The following FRMD4A variants were observed in gnomAD, a reference collection of about 807,000 sequenced individuals.
FRMD4A encodes the protein FERM domain-containing protein 4A.
Under a neutral mutation model 129.1 loss-of-function variants are expected in FRMD4A, and 29 were observed. The observed-to-expected ratio is 0.22, with a 90% CI of 0.17 to 0.31. The LOEUF (loss-of-function observed/expected upper bound fraction) is 0.31. FRMD4A is among the 10% of genes least tolerant of loss of function. The pLI, the probability that FRMD4A is intolerant of heterozygous loss-of-function variation, is 1.00. For missense variants in FRMD4A, 1,272 were observed against 1,375.8 expected (o/e 0.92, Z 1.19); for synonymous variants, 634 against 571.6 (o/e 1.11, Z -1.56).
intron 3 of FRMD4A, among the ~76,000 whole-genome samples, chr10:13,847,514 C>T (rs1219547264): frequency 6.6e-6 from 1 of 151,846 alleles, no homozygotes; most frequent in Non-Finnish European, 1.5e-5. Flanking sequence ...CTCCCTCCTT[C>T]CCTCCCTCCC....
At chr10:13,845,251 T>A (rs975870197) in intron 3 of FRMD4A, among the ~76,000 whole-genome samples, 1 of 152,222 alleles carries the variant, frequency 6.6e-6, no homozygotes, top group African/African-American at 2.4e-5. Flanking sequence ...CCTGTCATCC[T>A]ATGACCTTGA....
chr10:13,880,527 G>T (rs1190288674), intron 2 of FRMD4A, among the ~76,000 whole-genome samples: 2 of 152,160 alleles, frequency 1.3e-5, no homozygotes, highest in East Asian at 3.9e-4. Flanking sequence ...GGGACCAGGG[G>T]CTCCCCAGCT....
intron 2 of FRMD4A, among the ~76,000 whole-genome samples, chr10:14,284,463 A>C (rs1845619374): frequency 6.6e-6 from 1 of 152,176 alleles, no homozygotes; most frequent in African/African-American, 2.4e-5. Flanking sequence ...CCTGGCTAAC[A>C]CGGTGAAACC....
At chr10:14,143,302 A>T (rs903743450) in intron 2 of FRMD4A, among the ~76,000 whole-genome samples, 15 of 152,262 alleles carry the variant, frequency 9.9e-5, no homozygotes, top group Non-Finnish European at 1.5e-4. Context: ...TCTAGCCTTA[A>T]CAAGGAAGGA....
At chr10:13,739,244 T>G (rs1307865411) in intron 11 of FRMD4A, among the ~76,000 whole-genome samples, 1 of 152,144 alleles carries the variant, frequency 6.6e-6, no homozygotes, top group Non-Finnish European at 1.5e-5. Flanking sequence ...TCTTAAAACT[T>G]TAAAGGTGGG....
At chr10:14,036,045 A>T (rs1269940289) in intron 2 of FRMD4A, among the ~76,000 whole-genome samples, 4 of 21,756 alleles carry the variant, frequency 1.8e-4, no homozygotes, top group Non-Finnish European at 9.3e-4. Context: ...TCCACCTCAA[A>T]AAAAAAAAAA....
chr10:14,139,435 CT>C (rs1302200927), intron 2 of FRMD4A, among the ~76,000 whole-genome samples: 1 of 85,792 alleles, frequency 1.2e-5, no homozygotes, highest in Admixed American at 1.1e-4. Context: ...AAACATATTT[CT>C]TTTTTTATTA....
At chr10:14,082,107 C>T (rs1047548529) in intron 2 of FRMD4A, among the ~76,000 whole-genome samples, 2 of 152,076 alleles carry the variant, frequency 1.3e-5, no homozygotes, top group East Asian at 3.9e-4. Flanking sequence ...ATTAGCTGGG[C>T]ATGGTGGCAC....
chr10:14,142,263 T>C (rs1002177578), intron 2 of FRMD4A, among the ~76,000 whole-genome samples: 1 of 152,228 alleles, frequency 6.6e-6, no homozygotes, highest in Admixed American at 6.5e-5. Context: ...GCATCATTTC[T>C]ATACATGTTC....
chr10:14,174,399 A>AT (rs1841623124), intron 2 of FRMD4A, among the ~76,000 whole-genome samples: 6 of 152,188 alleles, frequency 3.9e-5, no homozygotes, highest in Admixed American at 1.3e-4. Context: ...ATTTGAACCA[A>AT]GAACAGTGAT....
intron 2 of FRMD4A, among the ~76,000 whole-genome samples, chr10:13,892,043 A>G (rs1440127688): frequency 8.2e-6 from 1 of 122,098 alleles, no homozygotes; most frequent in Non-Finnish European, 1.7e-5. Context: ...CCAGAAAGCC[A>G]GGGACGCCCC....
At chr10:13,877,743 T>C (rs1432250096) in intron 2 of FRMD4A, among the ~76,000 whole-genome samples, 1 of 152,238 alleles carries the variant, frequency 6.6e-6, no homozygotes, top group Non-Finnish European at 1.5e-5. Flanking sequence ...TGAGCTGTGC[T>C]GGCAGATCCC....
intron 2 of FRMD4A, among the ~76,000 whole-genome samples, chr10:13,966,549 G>A (rs1434822992): frequency 1.3e-5 from 2 of 152,166 alleles, no homozygotes; most frequent in African/African-American, 4.8e-5. Context: ...GATGTGCAGG[G>A]GGCTGCCACT....
rs112041665 is a variant in FRMD4A at position 14,319,367 on chromosome 10, T to TCTCTCTCTCTCTCTCTCTCTCTCTCACA, written c.45+10690_45+10691insTGTGAGAGAGAGAGAGAGAGAGAGAGAG. Among the ~76,000 whole-genome samples the TCTCTCTCTCTCTCTCTCTCTCTCTCACA allele has an allele frequency of 1.0e-3, 146 of 145,116 alleles. 1 individual carries two copies. Among genetic ancestry groups the TCTCTCTCTCTCTCTCTCTCTCTCTCACA allele is most frequent in the African/African-American group, 3.3e-3 (124 of 37,134 alleles). On this transcript the variant is annotated intron_variant, in intron 2 of 24. Coordinates refer to ENST00000357447, the MANE Select transcript of FRMD4A (RefSeq NM_018027.5). Reference sequence around the variant, plus strand: ...TCTCTCTCCTCTCTCTCTCTCTCTCTCACACACACACACACACACATGATA... The same window carrying TCTCTCTCTCTCTCTCTCTCTCTCTCACA: ...TCTCTCTCCTCTCTCTCTCTCTCTCTCTCTCTCTCTCTCTCTCTCTCTCTCACACACACACACACACACACACATGATA...
At chr10:14,293,761 A>G (rs1021571869) in intron 2 of FRMD4A, among the ~76,000 whole-genome samples, 1 of 152,246 alleles carries the variant, frequency 6.6e-6, no homozygotes, top group African/African-American at 2.4e-5. Flanking sequence ...ACCCTGGAGA[A>G]ACTCTTGCAC....
At chr10:14,039,436 T>G (rs1833678439) in intron 2 of FRMD4A, among the ~76,000 whole-genome samples, 1 of 140,540 alleles carries the variant, frequency 7.1e-6, no homozygotes, top group African/African-American at 3.1e-5. Flanking sequence ...CTATCTATAT[T>G]GGAACCCCAA....
intron 2 of FRMD4A, among the ~76,000 whole-genome samples, chr10:13,952,900 T>G (rs543332417): frequency 3.9e-5 from 6 of 152,082 alleles, no homozygotes; most frequent in Non-Finnish European, 8.8e-5. Context: ...TTCGCCATGT[T>G]GTCCAGACTG....
intron 3 of FRMD4A, among the ~76,000 whole-genome samples, chr10:13,837,641 C>A (rs2093897273): frequency 6.6e-6 from 1 of 152,240 alleles, no homozygotes; most frequent in Non-Finnish European, 1.5e-5. Context: ...TCCATCTCAT[C>A]TCTTTGTGGG....
At chr10:13,655,198 C>T (rs2082036586) in intron 22 of FRMD4A, 1 of 152,158 alleles carries the variant, frequency 6.6e-6, no homozygotes, top group African/African-American at 2.4e-5. Context: ...GTAAAGGAAT[C>T]CTTTCCATCA....
Sources: gnomAD v4.1 joint callset for allele counts (sites outside exome capture counted in the v4.1 genomes callset) on GRCh38, gnomAD v4.1.1 for gene constraint, MANE v1.5 for transcripts, NCBI Gene and HGNC (gene_info 2026-07-23, HGNC 2026-07-21) for gene names.